Variants in KCNH7 observed in about 807,000 individuals in gnomAD.
KCNH7 encodes voltage-gated inwardly rectifying potassium channel KCNH7.
A neutral mutation model predicts 120.8 loss-of-function variants in KCNH7; 49 were observed. That is an observed-to-expected ratio of 0.41 (90% confidence interval 0.32 to 0.51). KCNH7 has a LOEUF of 0.51. Ranked by LOEUF, KCNH7 falls within the 20% of genes least tolerant of loss-of-function variation. The probability of loss-of-function intolerance (pLI) is 0.38; values close to 1 mark genes in which losing one functional copy is unlikely to be tolerated. For missense variants in KCNH7, 1,097 were observed against 1,446.6 expected (o/e 0.76, Z 3.92); for synonymous variants, 547 against 516.1 (o/e 1.06, Z -0.81).
chr2:162,672,334 A>G (rs1224015143), intron 2 of KCNH7, among the ~76,000 whole-genome samples: 1 of 152,110 alleles, frequency 6.6e-6, no homozygotes, highest in Non-Finnish European at 1.5e-5. Flanking sequence ...TGATTCTGTT[A>G]ACAATCATTA....
At chr2:162,519,778 A>C (rs1271219986) in intron 3 of KCNH7, among the ~76,000 whole-genome samples, 2 of 151,796 alleles carry the variant, frequency 1.3e-5, no homozygotes, top group African/African-American at 4.8e-5. Flanking sequence ...CAGTCAACTT[A>C]AATCTTTGGG....
chr2:162,606,909 T>C (rs950188963), intron 2 of KCNH7, among the ~76,000 whole-genome samples: 1 of 152,272 alleles, frequency 6.6e-6, no homozygotes, highest in African/African-American at 2.4e-5. Context: ...ACAGCTTAAA[T>C]TTTATAGCAT....
At chr2:162,600,631 A>G (rs1344952040) in intron 2 of KCNH7, among the ~76,000 whole-genome samples, 2 of 152,160 alleles carry the variant, frequency 1.3e-5, no homozygotes, top group African/African-American at 2.4e-5. Context: ...ACAGATCTAC[A>G]TACATGTTTC....
intron 2 of KCNH7, among the ~76,000 whole-genome samples, chr2:162,749,016 A>G (rs187783889): frequency 4.7e-4 from 67 of 143,240 alleles, no homozygotes; most frequent in African/African-American, 1.7e-3. Flanking sequence ...ACTGAAAAGC[A>G]CAGAAGACAA....
At chr2:162,725,186 A>G (rs1687471249) in intron 2 of KCNH7, among the ~76,000 whole-genome samples, 1 of 152,218 alleles carries the variant, frequency 6.6e-6, no homozygotes, top group Non-Finnish European at 1.5e-5. Context: ...TGTTATTCGT[A>G]ATACTCATTC....
chr2:162,456,928 C>CT (rs1558955303), intron 6 of KCNH7, among the ~76,000 whole-genome samples: 1 of 151,954 alleles, frequency 6.6e-6, no homozygotes, highest in African/African-American at 2.4e-5. Flanking sequence ...TAATTGTCTC[C>CT]TTTTTTTCTT....
chr2:162,567,132 A>T (rs1693282795), intron 2 of KCNH7, among the ~76,000 whole-genome samples: 2 of 152,146 alleles, frequency 1.3e-5, no homozygotes, highest in East Asian at 3.9e-4. Flanking sequence ...AAATATGAAT[A>T]TGGTCATTAT....
intron 9 of KCNH7, among the ~76,000 whole-genome samples, chr2:162,417,708 C>T (rs557744242): frequency 6.6e-6 from 1 of 152,198 alleles, no homozygotes; most frequent in Admixed American, 6.6e-5. Flanking sequence ...ACTCACTTTG[C>T]ATAGAAGCAG....
rs141575031 is a variant in KCNH7, at chr2:162,707,464, T to C, written c.307+129073A>G. Among the ~76,000 whole-genome samples, 91 of 152,226 alleles carry C rather than the reference T, an allele frequency of 6.0e-4. 1 individual carries two copies. The highest frequency in any genetic ancestry group is 2.2e-3 in the African/African-American group (90 of 41,568). ...ATCTGAAAAAAATTAACTAAAATAATTTTAAATATGCTTTGAAAGAAATGC... is the reference window on the plus strand; with the variant it reads ...ATCTGAAAAAAATTAACTAAAATAACTTTAAATATGCTTTGAAAGAAATGC... On this transcript the variant is annotated intron_variant, in intron 2 of 15. Coordinates refer to ENST00000332142, the MANE Select transcript of KCNH7 (RefSeq NM_033272.4).
chr2:162,595,108 A>G (rs1056615340), intron 2 of KCNH7, among the ~76,000 whole-genome samples: 1 of 152,062 alleles, frequency 6.6e-6, no homozygotes, highest in Non-Finnish European at 1.5e-5. Context: ...TCTAAACGAG[A>G]GAGGTTTATT....
chr2:162,745,220 T>C (rs978545352), intron 2 of KCNH7, among the ~76,000 whole-genome samples: 1 of 152,212 alleles, frequency 6.6e-6, no homozygotes, highest in East Asian at 1.9e-4. Context: ...TTGACAATCA[T>C]GAAATATGAA....
At chr2:162,730,426 T>C (rs1463220138) in intron 2 of KCNH7, among the ~76,000 whole-genome samples, 1 of 151,142 alleles carries the variant, frequency 6.6e-6, no homozygotes, top group Non-Finnish European at 1.5e-5. Flanking sequence ...GCACAAATAG[T>C]ATTAGAAGTG....
intron 2 of KCNH7, among the ~76,000 whole-genome samples, chr2:162,808,389 G>A (rs1389757269): frequency 6.6e-6 from 1 of 152,156 alleles, no homozygotes; most frequent in African/African-American, 2.4e-5. Flanking sequence ...TTTTTAGTAT[G>A]AAGGAAATTC....
At chr2:162,524,826 T>TCTCCTA (rs1449905401) in intron 3 of KCNH7, among the ~76,000 whole-genome samples, 5 of 151,926 alleles carry the variant, frequency 3.3e-5, no homozygotes, top group Non-Finnish European at 2.9e-5. Flanking sequence ...GACATGAGTC[T>TCTCCTA]CTCCTACTCC....
At chr2:162,463,624 A>T (rs1689219722) in intron 6 of KCNH7, among the ~76,000 whole-genome samples, 1 of 151,946 alleles carries the variant, frequency 6.6e-6, no homozygotes, top group African/African-American at 2.4e-5. Flanking sequence ...ATGGTCAAAA[A>T]CATGTAAGGA....
chr2:162,701,638 AAGTC>A (rs766430641), intron 2 of KCNH7, among the ~76,000 whole-genome samples: 2 of 152,180 alleles, frequency 1.3e-5, no homozygotes, highest in Non-Finnish European at 2.9e-5. Flanking sequence ...ATACTTCTAA[AAGTC>A]AGTCACTAGA....
At chr2:162,538,132 G>C (rs190350524) in intron 2 of KCNH7, 25 of 152,142 alleles carry the variant, frequency 1.6e-4, no homozygotes, top group African/African-American at 6.0e-4. Context: ...GTCCAACCCC[G>C]TGGCCTGTGG....
At chr2:162,760,305 A>G (rs892055841) in intron 2 of KCNH7, among the ~76,000 whole-genome samples, 2 of 152,144 alleles carry the variant, frequency 1.3e-5, no homozygotes, top group African/African-American at 4.8e-5. Flanking sequence ...TAAACAGGAA[A>G]TTAGTTGTCA....
At chr2:162,672,448 C>T (rs929843561) in intron 2 of KCNH7, among the ~76,000 whole-genome samples, 2 of 151,888 alleles carry the variant, frequency 1.3e-5, no homozygotes, top group Admixed American at 6.6e-5. Context: ...TTTAAAAATA[C>T]TTGAAAACGA....
Sources: gnomAD v4.1 joint callset for allele counts (sites outside exome capture counted in the v4.1 genomes callset) on GRCh38, gnomAD v4.1.1 for gene constraint, MANE v1.5 for transcripts, NCBI Gene and HGNC (gene_info 2026-07-23, HGNC 2026-07-21) for gene names.